Variants in DRC11 observed in about 807,000 individuals in gnomAD.
The protein encoded by DRC11 is IQ and AAA domain-containing protein 1.
the DRC11 span, chr2:236,331,681 C>T: frequency 2.0e-6 from 2 of 1,018,168 alleles, no homozygotes; most frequent in Non-Finnish European, 3.0e-6. The surrounding 1 kb of genome is among the most constrained non-coding windows in gnomAD (Gnocchi z 4.8). Context: ...AAAGTTGCAT[C>T]TCATCAAGAA....
chr2:236,344,689 TCA>T, the DRC11 span: 2 of 1,397,488 alleles, frequency 1.4e-6, no homozygotes, highest in African/African-American at 1.4e-5. Context: ...CACTTCCCTC[TCA>T]GGTGTGCAGA....
chr2:236,430,787 T>C, the DRC11 span, among the ~76,000 whole-genome samples: 1 of 152,246 alleles, frequency 6.6e-6, no homozygotes, highest in Admixed American at 6.5e-5. This position sits in a 1 kb window ranked among gnomAD's most constrained non-coding sequence, Gnocchi z 6.0. Context: ...GCCAGCAGTG[T>C]AGGAGTGGCC....
the DRC11 span, among the ~76,000 whole-genome samples, chr2:236,348,975 T>C: frequency 0.4 from 61,210 of 151,772 alleles, 12,889 homozygotes; most frequent in African/African-American, 0.5. The surrounding 1 kb of genome is among the most constrained non-coding windows in gnomAD (Gnocchi z 7.4). Flanking sequence ...GCCTGCCTAC[T>C]GAAGCCTCAG....
the DRC11 span, among the ~76,000 whole-genome samples, chr2:236,491,155 C>T: frequency 3.0e-4 from 18 of 59,072 alleles, no homozygotes; most frequent in South Asian, 4.1e-4. Flanking sequence ...TATATATACA[C>T]ACAGTATATA....
the DRC11 span, among the ~76,000 whole-genome samples, chr2:236,356,943 A>G: frequency 7.1e-6 from 1 of 141,464 alleles, no homozygotes; most frequent in South Asian, 2.1e-4. Flanking sequence ...TATATATTAT[A>G]TATTCATATA....
At chr2:236,418,404 G>A in the DRC11 span, among the ~76,000 whole-genome samples, 5 of 152,250 alleles carry the variant, frequency 3.3e-5, no homozygotes, top group African/African-American at 9.6e-5. Flanking sequence ...AGCTGATTCC[G>A]ACTGGATTTT....
the DRC11 span, chr2:236,368,321 AG>A: frequency 6.9e-7 from 1 of 1,448,138 alleles, no homozygotes; most frequent in South Asian, 1.2e-5. Context: ...AAAGAAACAG[AG>A]GAACAATAAA....
the DRC11 span, chr2:236,343,663 G>C: frequency 2.4e-6 from 3 of 1,230,298 alleles, no homozygotes; most frequent in Non-Finnish European, 3.3e-6. The surrounding 1 kb of genome is among the most constrained non-coding windows in gnomAD (Gnocchi z 6.6). Flanking sequence ...GTGGGACCTG[G>C]TGGAGAACCC....
At chr2:236,460,562 C>T in the DRC11 span, among the ~76,000 whole-genome samples, 2 of 152,136 alleles carry the variant, frequency 1.3e-5, no homozygotes, top group South Asian at 2.1e-4. This position sits in a 1 kb window ranked among gnomAD's most constrained non-coding sequence, Gnocchi z 4.0. Flanking sequence ...AAATAGATGG[C>T]CTTTCTTTGT....
the DRC11 span, among the ~76,000 whole-genome samples, chr2:236,501,539 C>T: frequency 4.4e-4 from 67 of 152,136 alleles, no homozygotes; most frequent in African/African-American, 1.6e-3. Flanking sequence ...CTGGAAGAAG[C>T]AAAGATGATT....
chr2:236,433,072 T>G, the DRC11 span, among the ~76,000 whole-genome samples: 1 of 152,142 alleles, frequency 6.6e-6, no homozygotes, highest in Non-Finnish European at 1.5e-5. Flanking sequence ...CCGTATGTAT[T>G]TGGGTCTATT....
chr2:236,499,438 T>G, the DRC11 span, among the ~76,000 whole-genome samples: 2 of 152,150 alleles, frequency 1.3e-5, no homozygotes, highest in African/African-American at 4.8e-5. The surrounding 1 kb of genome is among the most constrained non-coding windows in gnomAD (Gnocchi z 4.7). Context: ...CACATTTTCT[T>G]TTTTTCTTTT....
the DRC11 span, among the ~76,000 whole-genome samples, chr2:236,411,378 T>C: frequency 2.7e-5 from 4 of 150,006 alleles, no homozygotes; most frequent in Admixed American, 2.6e-4. Context: ...ATGGCAATCA[T>C]TAAAAAGTCA....
the DRC11 span, among the ~76,000 whole-genome samples, chr2:236,442,168 G>C: frequency 6.6e-6 from 1 of 152,030 alleles, no homozygotes; most frequent in African/African-American, 2.4e-5. Context: ...TAAAAATAAA[G>C]TAAGCTCATT....
At chr2:236,408,447 T>G in the DRC11 span, 3 of 740,632 alleles carry the variant, frequency 4.1e-6, no homozygotes, top group Non-Finnish European at 7.6e-6. The surrounding 1 kb of genome is among the most constrained non-coding windows in gnomAD (Gnocchi z 5.5). Flanking sequence ...GCCCAAACAC[T>G]TGGTTCACAG....
the DRC11 span, among the ~76,000 whole-genome samples, chr2:236,382,802 G>A: frequency 1.3e-4 from 20 of 152,212 alleles, no homozygotes; most frequent in Non-Finnish European, 2.4e-4. Flanking sequence ...CTGCACCCTT[G>A]CTGATGTAAG....
chr2:236,315,296 A>C, the DRC11 span, among the ~76,000 whole-genome samples: 1 of 152,220 alleles, frequency 6.6e-6, no homozygotes, highest in East Asian at 1.9e-4. The surrounding 1 kb of genome is among the most constrained non-coding windows in gnomAD (Gnocchi z 5.1). Context: ...TAAGACTTGA[A>C]CCATGAACAA....
chr2:236,506,654 G>A, the DRC11 span, among the ~76,000 whole-genome samples: 1 of 152,206 alleles, frequency 6.6e-6, no homozygotes, highest in Admixed American at 6.5e-5. The surrounding 1 kb of genome is among the most constrained non-coding windows in gnomAD (Gnocchi z 4.9). Context: ...CTACGTTACA[G>A]GGTTGCTGTG....
chr2:236,362,385 C>T, the DRC11 span, among the ~76,000 whole-genome samples: 1 of 152,140 alleles, frequency 6.6e-6, no homozygotes, highest in African/African-American at 2.4e-5. The surrounding 1 kb of genome is among the most constrained non-coding windows in gnomAD (Gnocchi z 5.7). Flanking sequence ...TCTCCTCAGC[C>T]TCCTCAATGT....
Sources: gnomAD v4.1 joint callset for allele counts (sites outside exome capture counted in the v4.1 genomes callset) on GRCh38, gnomAD v4.1.1 for gene constraint, Gnocchi (gnomAD v3.1) non-coding constraint, MANE v1.5 for transcripts, NCBI Gene and HGNC (gene_info 2026-07-23, HGNC 2026-07-21) for gene names.